Variants in CEP70 observed in about 807,000 individuals in gnomAD.
CEP70 encodes centrosomal protein 70.
In CEP70, 70 loss-of-function variants were observed where a neutral mutation model predicts 90.9. The ratio of observed to expected loss-of-function variants is 0.77; its 90% confidence interval spans 0.64 to 0.94. The LOEUF is 0.94. Among genes scored for constraint, CEP70 ranks in the 40% least tolerant of loss-of-function variants. The pLI is 0.00. For missense variants in CEP70, 648 were observed against 669.0 expected (o/e 0.97, Z 0.35); for synonymous variants, 220 against 228.3 (o/e 0.96, Z 0.33).
In CEP70 at chr3:138,554,292, C is replaced by T. The variant is rs147235334; in HGVS notation, c.465+16026G>A. Among the ~76,000 whole-genome samples, 849 of 151,970 alleles carry T rather than the reference C, an allele frequency of 5.6e-3. 7 individuals are homozygous for T. The highest frequency in any genetic ancestry group is 0.02 in the African/African-American group (818 of 41,434). ...CATACCTCAAAGTAATAAAAGCCAT[C>T]TATGATAAATCCACAGCCAACATAA... On this transcript the variant is annotated intron_variant, in intron 6 of 17. Coordinates refer to ENST00000264982, the MANE Select transcript of CEP70 (RefSeq NM_024491.4).
At position 138,591,850 on chromosome 3, in the gene CEP70, A is replaced by G; in HGVS notation, c.-6+4T>C. 6.5e-7 allele frequency: 1 copy of G among 1,530,794 alleles called. No homozygotes were observed. Among genetic ancestry groups the G allele is most frequent in the Non-Finnish European group, 8.7e-7 (1 of 1,144,642 alleles). The allele number at this position is 1,530,794 out of a possible 1,614,324, so 94.8% of individuals were successfully genotyped here. A position where few individuals can be genotyped will look rare whatever the true frequency, so the allele number is the denominator to read the frequency against. On this transcript the variant is annotated splice_donor_region_variant and intron_variant, in intron 2 of 17. Transcript: ENST00000264982. ...TCTGGAGTCATCCGTTACATTAGAC[A>G]TACCTCAGTCATAGCATATTACTCT...
rs150494427 is a variant in CEP70, at chr3:138,560,218, G to A, written c.465+10100C>T. Among the ~76,000 whole-genome samples, 142 of 152,304 alleles carry A rather than the reference G, an allele frequency of 9.3e-4. No individual in the cohort carries two copies. In the East Asian group the frequency reaches 0.025, roughly 27 times the overall value. On this transcript the variant is annotated intron_variant, in intron 6 of 17. Transcript: ENST00000264982. ...GGGTACAGCCCACAGAGGGCAAACC[G>A]AAGGAGGGTGGGGTGTTGCCTCACC... is the stretch of plus-strand genomic sequence containing the variant.
At chr3:138,551,298 A>T (rs934314827) in intron 6 of CEP70, among the ~76,000 whole-genome samples, 3 of 152,254 alleles carry the variant, frequency 2.0e-5, no homozygotes, top group Non-Finnish European at 4.4e-5. Context: ...AGTCTTTTTC[A>T]GACAAACAAA....
intron 8 of CEP70, among the ~76,000 whole-genome samples, chr3:138,530,097 C>A (rs542240860): frequency 1.8e-4 from 27 of 152,284 alleles, no homozygotes; most frequent in South Asian, 4.2e-4. Context: ...AAAGTGCTAG[C>A]AAATAAGTAT....
At position 138,508,474 on chromosome 3, in the gene CEP70, G is replaced by C; in HGVS notation, c.1015C>G (p.Gln339Glu). ...EKKDEPSKYN[Q>E]QQALIDQRYF... is the part of the protein sequence containing the mutation. ...CTCTGGTCAATTAGGGCCTGTTGCT[G>C]ATTATATTTGCTGGGCTCATCTTTC... Residue 339 changes from glutamine to glutamate, a missense_variant, in exon 12 of 18, where the codon CAG becomes GAG. Coordinates refer to ENST00000264982, the MANE Select transcript of CEP70 (RefSeq NM_024491.4). 1 of 1,612,190 alleles carries C rather than the reference G, an allele frequency of 6.2e-7. No individual in the cohort carries two copies. Among genetic ancestry groups the C allele is most frequent in the South Asian group, 1.1e-5 (1 of 91,020 alleles).
At chr3:138,520,652 T>C (rs1033711350) in intron 11 of CEP70, among the ~76,000 whole-genome samples, 1 of 152,108 alleles carries the variant, frequency 6.6e-6, no homozygotes, top group Non-Finnish European at 1.5e-5. Context: ...AAAGACACAA[T>C]ATACCAGAAT....
chr3:138,511,026 TTTG>T (rs34388430), intron 11 of CEP70, among the ~76,000 whole-genome samples: 25 of 150,364 alleles, frequency 1.7e-4, no homozygotes, highest in Admixed American at 3.3e-4. Context: ...ATGCCCAGTT[TTTG>T]TTGTTGTTGT....
chr3:138,529,958 G>C (rs377192989), intron 8 of CEP70, among the ~76,000 whole-genome samples: 1 of 152,176 alleles, frequency 6.6e-6, no homozygotes, highest in African/African-American at 2.4e-5. Flanking sequence ...CCACTAACTA[G>C]TTGTATTATT....
In CEP70 at chr3:138,532,510, G is replaced by C; in HGVS notation, c.692+4C>G. On this transcript the variant is annotated splice_donor_region_variant and intron_variant, in intron 8 of 17. Transcript: ENST00000264982. ...TAAAAACTGTAATACAGGATTACTC[G>C]TACCTTTGTGTATGAATTTTTCTAA... 1 of 1,499,074 alleles carries C rather than the reference G, an allele frequency of 6.7e-7. No individual in the cohort carries two copies. The highest frequency in any genetic ancestry group is 8.9e-7 in the Non-Finnish European group (1 of 1,122,600). 92.9% of individuals were successfully genotyped at this position (1,499,074 alleles called of 1,614,324 possible).
intron 11 of CEP70, among the ~76,000 whole-genome samples, chr3:138,517,246 C>A (rs1240950674): frequency 6.6e-6 from 1 of 152,214 alleles, no homozygotes; most frequent in Non-Finnish European, 1.5e-5. Context: ...ATAGCCAAAT[C>A]CAGCATGGTA....
chr3:138,535,545 T>C (rs1447971642), intron 7 of CEP70, among the ~76,000 whole-genome samples: 1 of 152,212 alleles, frequency 6.6e-6, no homozygotes, highest in Non-Finnish European at 1.5e-5. Flanking sequence ...CTTTTAATAA[T>C]ATCTGTAGTG....
chr3:138,559,877 G>T (rs2040274607), intron 6 of CEP70, among the ~76,000 whole-genome samples: 1 of 152,178 alleles, frequency 6.6e-6, no homozygotes, highest in Non-Finnish European at 1.5e-5. Flanking sequence ...ATTTTCAAAT[G>T]CTGAAAGTAA....
intron 6 of CEP70, among the ~76,000 whole-genome samples, chr3:138,546,775 C>A (rs1485131223): frequency 6.7e-6 from 1 of 150,156 alleles, no homozygotes; most frequent in East Asian, 2.0e-4. Context: ...TAAAAAAAAA[C>A]AAAAAACACT....
intron 2 of CEP70, among the ~76,000 whole-genome samples, chr3:138,574,058 C>T (rs1241755657): frequency 6.6e-6 from 1 of 152,104 alleles, no homozygotes; most frequent in Non-Finnish European, 1.5e-5. Flanking sequence ...GCGTTTCCAA[C>T]TGAGGTACCT....
chr3:138,580,898 C>A (rs1443126434), intron 2 of CEP70, among the ~76,000 whole-genome samples: 1 of 151,774 alleles, frequency 6.6e-6, no homozygotes, highest in South Asian at 2.1e-4. Context: ...TGCATCAGAG[C>A]CTCTTCATAG....
intron 2 of CEP70, among the ~76,000 whole-genome samples, chr3:138,581,293 AAAAG>A (rs1253892120): frequency 6.6e-6 from 1 of 151,908 alleles, no homozygotes; most frequent in Non-Finnish European, 1.5e-5. Flanking sequence ...AAAAAAAAAA[AAAAG>A]AAAGAAAAGA....
intron 6 of CEP70, among the ~76,000 whole-genome samples, chr3:138,566,387 G>A (rs2040792176): frequency 1.3e-5 from 2 of 152,148 alleles, no homozygotes; most frequent in African/African-American, 4.8e-5. Flanking sequence ...CACGTTTATT[G>A]CAGCACTATT....
At chr3:138,496,943 A>G (rs1470062556) in intron 17 of CEP70, 20 of 986,480 alleles carry the variant, frequency 2.0e-5, no homozygotes, top group Non-Finnish European at 2.4e-5. Context: ...TGTGCCAAAT[A>G]TTTATGAATG....
chr3:138,540,055 CTA>C (rs1044563014), intron 6 of CEP70, among the ~76,000 whole-genome samples: 1 of 152,186 alleles, frequency 6.6e-6, no homozygotes, highest in African/African-American at 2.4e-5. Flanking sequence ...ACATCTGAAA[CTA>C]TGCATCCGAC....
Sources: gnomAD v4.1 joint callset for allele counts (sites outside exome capture counted in the v4.1 genomes callset) on GRCh38, gnomAD v4.1.1 for gene constraint, MANE v1.5 for transcripts, NCBI Gene and HGNC (gene_info 2026-07-23, HGNC 2026-07-21) for gene names.